MTMR7: variants seen among roughly 807,000 people sequenced by gnomAD.
MTMR7 encodes the protein myotubularin related protein 7.
Under a neutral mutation model 81.2 loss-of-function variants are expected in MTMR7, and 76 were observed. That is an observed-to-expected ratio of 0.94 (90% CI 0.78 to 1.13). The LOEUF is 1.13. Ranked by LOEUF, MTMR7 falls within the 50% of genes most tolerant of loss-of-function variation. MTMR7 has a pLI of 0.00. For synonymous variants in MTMR7, 372 were observed against 289.8 expected, an observed-to-expected ratio of 1.28 and a Z score of -2.88; for missense variants, 1,044 against 820.0, an observed-to-expected ratio of 1.27 and a Z score of -3.34.
At chr8:17,304,594 G>A in intron 11 of MTMR7, 75 bp from the exon 12 acceptor site, 1 of 1,466,934 alleles carries the variant, frequency 6.8e-7, no homozygotes, top group South Asian at 1.2e-5. Context: ...TATTAATGCT[G>A]GAAAGGAACT....
chr8:17,409,406 G>A (rs1231405623), intron 1 of MTMR7, among the ~76,000 whole-genome samples: 2 of 142,206 alleles, frequency 1.4e-5, no homozygotes, highest in Non-Finnish European at 3.2e-5. Context: ...TCAAGTTTCA[G>A]TGAGCCAAGA....
At chr8:17,319,580 C>A (rs1025945126) in intron 7 of MTMR7, among the ~76,000 whole-genome samples, 35 of 152,308 alleles carry the variant, frequency 2.3e-4, no homozygotes, top group African/African-American at 8.2e-4. Context: ...AATAGTGACA[C>A]TTACATACCA....
At chr8:17,345,403 T>C (rs1819519552) in intron 5 of MTMR7, among the ~76,000 whole-genome samples, 1 of 152,224 alleles carries the variant, frequency 6.6e-6, no homozygotes, top group Non-Finnish European at 1.5e-5. Context: ...ACGCTCCTGA[T>C]ACTACACAGC....
At chr8:17,369,763 A>G (rs1820354845) in intron 3 of MTMR7, among the ~76,000 whole-genome samples, 1 of 147,076 alleles carries the variant, frequency 6.8e-6, no homozygotes, top group Admixed American at 7.1e-5. Flanking sequence ...CTCCTGCCTC[A>G]GCCTCCCAAG....
intron 3 of MTMR7, among the ~76,000 whole-genome samples, chr8:17,362,763 G>T (rs748266750): frequency 9.9e-5 from 15 of 152,124 alleles, no homozygotes; most frequent in Non-Finnish European, 1.9e-4. Context: ...TATTCAGTGT[G>T]AACAATTTAA....
chr8:17,319,277 C>T lies in MTMR7; in HGVS notation c.866-5876G>A, dbSNP rs889207516. Among the ~76,000 whole-genome samples the T allele has an allele frequency of 2.0e-5, 3 of 152,160 alleles. No individual in the cohort carries two copies. The South Asian group carries it at 6.2e-4, about 32-fold the overall frequency. On this transcript the variant is annotated intron_variant, in intron 7 of 13. Coordinates refer to ENST00000180173, the MANE Select transcript of MTMR7 (RefSeq NM_004686.5). Reference sequence around the variant, plus strand: ...TGGGGATAAAAACACCTTCCTCAAACAGTTGTGAAGATGAAATAATACCAA... The same window carrying T: ...TGGGGATAAAAACACCTTCCTCAAATAGTTGTGAAGATGAAATAATACCAA...
intron 1 of MTMR7, among the ~76,000 whole-genome samples, chr8:17,392,885 A>G (rs770602224): frequency 2.6e-5 from 4 of 152,218 alleles, no homozygotes; most frequent in Non-Finnish European, 5.9e-5. Flanking sequence ...ACTTGTGGCC[A>G]CATCCTTTTG....
At chr8:17,343,938 C>T (rs1023486853) in intron 5 of MTMR7, among the ~76,000 whole-genome samples, 1 of 152,148 alleles carries the variant, frequency 6.6e-6, no homozygotes, top group African/African-American at 2.4e-5. Context: ...TGTCAGAGCA[C>T]AGATTAAAAA....
At chr8:17,388,836 G>A (rs1247755843) in intron 1 of MTMR7, among the ~76,000 whole-genome samples, 2 of 152,186 alleles carry the variant, frequency 1.3e-5, no homozygotes, top group Non-Finnish European at 2.9e-5. Context: ...CCAAGGCCAG[G>A]TTCCAGCTCA....
At chr8:17,399,183 A>C (rs979055801) in intron 1 of MTMR7, among the ~76,000 whole-genome samples, 5 of 151,902 alleles carry the variant, frequency 3.3e-5, no homozygotes, top group African/African-American at 9.7e-5. Flanking sequence ...GGAAAGGAAA[A>C]AGTCAAATTA....
In MTMR7 at chr8:17,299,715, TG is replaced by T; in HGVS notation, c.*146del. 9.4e-7 allele frequency: 1 copy of T among 1,065,140 alleles called. No individual in the cohort carries two copies. The highest frequency in any genetic ancestry group is 1.3e-6 in the Non-Finnish European group (1 of 742,760). The allele number at this position is 1,065,140 out of a possible 1,614,324, so 66.0% of individuals were successfully genotyped here. On this transcript the variant is annotated 3_prime_UTR_variant, in exon 14 of 14. Transcript: ENST00000180173. ...CTTCAGTATCTAAGAAATCAAGAACTGGGCACTTTTTTCCCTTTTCATAGCT... is the reference window on the plus strand; with the variant it reads ...CTTCAGTATCTAAGAAATCAAGAACTGGCACTTTTTTCCCTTTTCATAGCT...
chr8:17,305,301 CTTATT>C (rs1817378922), intron 11 of MTMR7, among the ~76,000 whole-genome samples: 2 of 152,294 alleles, frequency 1.3e-5, no homozygotes, highest in East Asian at 1.9e-4. Flanking sequence ...TTTACTGTCA[CTTATT>C]TTAAAGTCCA....
At chr8:17,390,533 A>G (rs1245357741) in intron 1 of MTMR7, among the ~76,000 whole-genome samples, 1 of 152,134 alleles carries the variant, frequency 6.6e-6, no homozygotes, top group African/African-American at 2.4e-5. Flanking sequence ...ATTCCTAGAG[A>G]GGAAATTAAA....
chr8:17,305,729 TAAACACCAA>T lies in MTMR7; in HGVS notation c.1352+19_1352+27del, dbSNP rs754968462. On this transcript the variant is annotated intron_variant, in intron 11 of 13. Coordinates refer to ENST00000180173, the MANE Select transcript of MTMR7 (RefSeq NM_004686.5). ...GTCATCAAAATCTTTAAATAAAAGT[TAAACACCAA>T]AAACACCAAAACACTTACTTGAGTT... 58 of 1,563,752 alleles carry T rather than the reference TAAACACCAA, an allele frequency of 3.7e-5. No homozygotes were observed. Among genetic ancestry groups the T allele is most frequent in the Non-Finnish European group, 4.7e-5 (54 of 1,145,294 alleles).
intron 1 of MTMR7, among the ~76,000 whole-genome samples, chr8:17,378,281 A>G (rs554254786): frequency 6.6e-6 from 1 of 152,342 alleles, no homozygotes; most frequent in African/African-American, 2.4e-5. Context: ...AGAGATACTA[A>G]CAATTAAAAA....
intron 6 of MTMR7, among the ~76,000 whole-genome samples, chr8:17,336,133 G>C (rs1819230012): frequency 6.6e-6 from 1 of 152,190 alleles, no homozygotes; most frequent in African/African-American, 2.4e-5. Context: ...TATAGATGCA[G>C]GTTTTTGGAG....
chr8:17,367,735 T>C (rs1820272578), intron 3 of MTMR7, among the ~76,000 whole-genome samples: 1 of 152,198 alleles, frequency 6.6e-6, no homozygotes. Flanking sequence ...CAGCAGAATG[T>C]CTGAAGCAAT....
At chr8:17,354,337 G>T (rs577643489) in intron 4 of MTMR7, among the ~76,000 whole-genome samples, 15 of 152,252 alleles carry the variant, frequency 9.9e-5, no homozygotes, top group African/African-American at 3.4e-4. Flanking sequence ...TAAACTGACT[G>T]GTTTGGGTTG....
At chr8:17,385,708 G>A (rs1820916333) in intron 1 of MTMR7, among the ~76,000 whole-genome samples, 1 of 152,028 alleles carries the variant, frequency 6.6e-6, no homozygotes, top group South Asian at 2.1e-4. Context: ...TGTTTAAAAG[G>A]GTACAGCACC....
Sources: gnomAD v4.1 joint callset for allele counts (sites outside exome capture counted in the v4.1 genomes callset) on GRCh38, gnomAD v4.1.1 for gene constraint, MANE v1.5 for transcripts, NCBI Gene and HGNC (gene_info 2026-07-23, HGNC 2026-07-21) for gene names.